JAKMIP3: variants seen among roughly 807,000 people sequenced by gnomAD.
The protein encoded by JAKMIP3 is Janus kinase and microtubule interacting protein 3.
In JAKMIP3, 58 loss-of-function variants were observed where a neutral mutation model predicts 118.5. The ratio of observed to expected loss-of-function variants is 0.49; its 90% CI spans 0.40 to 0.61. JAKMIP3 has a LOEUF of 0.61. JAKMIP3 is among the 20% of genes least tolerant of loss of function. The pLI is 0.00. For synonymous variants in JAKMIP3, 486 were observed against 451.2 expected (o/e 1.08, Z -0.98); for missense variants, 950 against 1,109.0 (o/e 0.86, Z 2.04).
At chr10:132,136,100 GGGCCACGGTCGCACCC>G (rs1589904767) in intron 6 of JAKMIP3, 24 bp downstream of exon 6, 6 of 1,610,754 alleles carry the variant, frequency 3.7e-6, no homozygotes, top group Non-Finnish European at 5.1e-6. Context: ...GGGCTCCACG[GGGCCACGGTCGCACCC>G]GAGCTCCAGG....
At chr10:132,068,315 A>T (rs146053283) in intron 1 of JAKMIP3, among the ~76,000 whole-genome samples, 64 of 152,278 alleles carry the variant, frequency 4.2e-4, no homozygotes, top group Non-Finnish European at 7.2e-4. Flanking sequence ...CTGAGTTTCC[A>T]GACAGGCAAG....
rs758606682 is a variant in JAKMIP3 at position 132,145,103 on chromosome 10, A to G, written c.1603-4A>G. The G allele has an allele frequency of 2.5e-6, 4 of 1,611,620 alleles. No individual in the cohort carries two copies. The highest frequency in any genetic ancestry group is 2.2e-5 in the East Asian group (1 of 44,830). Reference sequence around the variant, plus strand: ...TTTGATGTATCTTTCCTCCCGTCCTACAGACCCGTGAGCAGCTACAAGCCG... The same window carrying G: ...TTTGATGTATCTTTCCTCCCGTCCTGCAGACCCGTGAGCAGCTACAAGCCG... On this transcript the variant is annotated splice_region_variant and splice_polypyrimidine_tract_variant and intron_variant, in intron 11 of 23. Transcript: ENST00000684848.
intron 23 of JAKMIP3, among the ~76,000 whole-genome samples, chr10:132,173,599 C>A (rs1205286633): frequency 6.6e-6 from 1 of 152,182 alleles, no homozygotes; most frequent in Non-Finnish European, 1.5e-5. Flanking sequence ...TGCCTTTGTA[C>A]AGCTGATATT....
At chr10:132,180,914 C>T (rs1022692740) in intron 23 of JAKMIP3, among the ~76,000 whole-genome samples, 1 of 151,788 alleles carries the variant, frequency 6.6e-6, no homozygotes, top group Non-Finnish European at 1.5e-5. Flanking sequence ...ATTGCATGTG[C>T]CTGTATGTGT....
chr10:132,120,121 C>G (rs1338570530), intron 3 of JAKMIP3, among the ~76,000 whole-genome samples: 1 of 152,246 alleles, frequency 6.6e-6, no homozygotes, highest in South Asian at 2.1e-4. Flanking sequence ...AATACAAGGA[C>G]AGTCAGAAAT....
In JAKMIP3 at chr10:132,116,503, G is replaced by GAT. The variant is rs2047685793; in HGVS notation, c.136-574_136-573insAT. Among the ~76,000 whole-genome samples the GAT allele has an allele frequency of 5.5e-5, 8 of 144,402 alleles. No homozygotes were observed. In the South Asian group the frequency reaches 1.6e-3, roughly 29 times the overall value. 94.7% of individuals were successfully genotyped at this position (144,402 alleles called of 152,430 possible). A position where few individuals can be genotyped will look rare whatever the true frequency, so the allele number is the denominator to read the frequency against. On this transcript the variant is annotated intron_variant, in intron 2 of 23. Coordinates refer to ENST00000684848, the MANE Select transcript of JAKMIP3 (RefSeq NM_001323087.2). ...GGAAGCTCCCCCAAATGCACATTCA[G>GAT]GTGTGAGTGTGTGCATCATGGACGC... is the stretch of plus-strand genomic sequence containing the variant.
At chr10:132,108,462 T>C (rs2046260219) in intron 2 of JAKMIP3, among the ~76,000 whole-genome samples, 1 of 152,154 alleles carries the variant, frequency 6.6e-6, no homozygotes, top group Non-Finnish European at 1.5e-5. Flanking sequence ...GTGCAGCTAC[T>C]GGAAGCAGGG....
intron 5 of JAKMIP3, 99 bp from the exon 6 acceptor site, chr10:132,135,831 T>G: frequency 1.5e-6 from 2 of 1,295,208 alleles, no homozygotes; most frequent in South Asian, 1.5e-5. Flanking sequence ...GGGGACTGCG[T>G]TGTTGCAGCC....
At chr10:132,105,478 A>C (rs898782686) in intron 2 of JAKMIP3, among the ~76,000 whole-genome samples, 33 of 144,818 alleles carry the variant, frequency 2.3e-4, no homozygotes, top group African/African-American at 7.7e-4. Context: ...GATGCCCAGC[A>C]CTTTGGGGCT....
chr10:132,109,367 G>T (rs2046487525), intron 2 of JAKMIP3, among the ~76,000 whole-genome samples: 1 of 152,180 alleles, frequency 6.6e-6, no homozygotes, highest in Admixed American at 6.5e-5. Context: ...ACACAGAAAA[G>T]AATATGGCAG....
chr10:132,045,778 A>G (rs2037890948), intron 1 of JAKMIP3, among the ~76,000 whole-genome samples: 1 of 151,988 alleles, frequency 6.6e-6, no homozygotes. Context: ...AACATCTGGG[A>G]AAAAAATTAG....
chr10:132,048,936 G>C (rs1039678466), intron 1 of JAKMIP3, among the ~76,000 whole-genome samples: 1 of 152,016 alleles, frequency 6.6e-6, no homozygotes, highest in East Asian at 1.9e-4. Context: ...CACCGCGCCC[G>C]GCCTGGGCTT....
intron 8 of JAKMIP3, 114 bp downstream of exon 8, chr10:132,137,403 CT>C: frequency 7.5e-7 from 1 of 1,334,072 alleles, no homozygotes; most frequent in Non-Finnish European, 1.1e-6. Context: ...CCGCGGCAGC[CT>C]TTCGGGTGGA....
chr10:132,184,074 CA>C lies in JAKMIP3; in HGVS notation c.*2822del, dbSNP rs748774247. On this transcript the variant is annotated 3_prime_UTR_variant, in exon 24 of 24. Coordinates refer to ENST00000684848, the MANE Select transcript of JAKMIP3 (RefSeq NM_001323087.2). The stretch of plus-strand genomic sequence containing the variant: ...AAATGTACTGTTACATCAACATTTA[CA>C]TTATATTAACATCATCACACTCTGT... 6.6e-6 allele frequency: 1 copy of C among 152,168 alleles called. No individual in the cohort carries two copies. Among genetic ancestry groups the C allele is most frequent in the Non-Finnish European group, 1.5e-5 (1 of 68,036 alleles). 9.4% of individuals were successfully genotyped at this position (152,168 alleles called of 1,614,324 possible). A position where few individuals can be genotyped will look rare whatever the true frequency, so the allele number is the denominator to read the frequency against.
intron 1 of JAKMIP3, among the ~76,000 whole-genome samples, chr10:132,037,183 C>T (rs1469579250): frequency 6.6e-6 from 1 of 152,240 alleles, no homozygotes; most frequent in African/African-American, 2.4e-5. Flanking sequence ...TACGGGAAGC[C>T]AGAGAATAAA....
Position 132,112,924 on chromosome 10 carries a change from C to T in JAKMIP3, c.136-4153C>T, listed in dbSNP as rs900965535. On this transcript the variant is annotated intron_variant, in intron 2 of 23. Coordinates refer to ENST00000684848, the MANE Select transcript of JAKMIP3 (RefSeq NM_001323087.2). The surrounding 1 kb of genome is among the most constrained non-coding windows in gnomAD (Gnocchi z 4.3). ...TTGGCTGCTCCATTCTTTCCTACTC[C>T]TTAGAAAAAAATAGACAGTTCTCAT... Among the ~76,000 whole-genome samples, 3 of 152,142 alleles carry T rather than the reference C, an allele frequency of 2.0e-5. No homozygotes were observed. Among genetic ancestry groups the T allele is most frequent in the African/African-American group, 7.2e-5 (3 of 41,420 alleles).
chr10:132,179,014 C>T lies in JAKMIP3; in HGVS notation c.*1104-3343C>T, dbSNP rs1316111481. 1.3e-5 allele frequency among the ~76,000 whole-genome samples: 2 copies of T among 152,216 alleles called. No homozygotes were observed. The highest frequency in any genetic ancestry group is 6.5e-5 in the Admixed American group (1 of 15,290). The stretch of plus-strand genomic sequence containing the variant: ...GCTTTTAGCGAGGTTCTGGTGCCTT[C>T]GTGCCCGTGGGGCTGGGGGCCCCGA... On this transcript the variant is annotated intron_variant, in intron 23 of 23. Transcript: ENST00000684848. This position sits in a 1 kb window ranked among gnomAD's most constrained non-coding sequence, Gnocchi z 4.3.
At chr10:132,067,471 G>T (rs1358039302) in intron 1 of JAKMIP3, among the ~76,000 whole-genome samples, 1 of 152,252 alleles carries the variant, frequency 6.6e-6, no homozygotes, top group Non-Finnish European at 1.5e-5. Flanking sequence ...ACCAGGTGGT[G>T]GTCCCACAGC....
chr10:132,135,274 C>T (rs907046671), intron 5 of JAKMIP3, 114 bp downstream of exon 5: 37 of 1,092,768 alleles, frequency 3.4e-5, no homozygotes, highest in South Asian at 2.5e-4. Flanking sequence ...TTGCAAGGAC[C>T]GGCCTTGCGT....
Sources: allele counts gnomAD v4.1 joint callset (sites outside exome capture counted in the v4.1 genomes callset), GRCh38; gene constraint gnomAD v4.1.1; non-coding constraint Gnocchi (gnomAD v3.1); transcripts MANE v1.5; gene names NCBI Gene and HGNC (gene_info 2026-07-23, HGNC 2026-07-21).